The following RPN2 variants were observed in gnomAD, a reference collection of about 807,000 sequenced individuals.
RPN2 encodes the protein dolichyl-diphosphooligosaccharide--protein glycosyltransferase subunit 2.
In RPN2, 29 loss-of-function variants were observed where a neutral mutation model predicts 71.4. The observed-to-expected ratio is 0.41, with a 90% CI of 0.30 to 0.55. The LOEUF is 0.55. RPN2 is among the 20% of genes least tolerant of loss of function. The pLI, the probability that RPN2 is intolerant of heterozygous loss-of-function variation, is 0.35. For missense variants in RPN2, 726 were observed against 774.1 expected, an observed-to-expected ratio of 0.94 and a Z score of 0.74; for synonymous variants, 308 against 305.0, an observed-to-expected ratio of 1.01 and a Z score of -0.10.
At position 37,228,603 on chromosome 20, in the gene RPN2, C is replaced by A. The variant is rs200454814; in HGVS notation, c.1353C>A (p.Ala451=). 1 of 1,614,070 alleles carries A rather than the reference C, an allele frequency of 6.2e-7. No individual in the cohort carries two copies. Among genetic ancestry groups the A allele is most frequent in the African/African-American group, 1.3e-5 (1 of 74,930 alleles). The change falls in exon 12 of 17, where the codon GCC becomes GCA. Residue 451 remains alanine (A), a synonymous_variant. Coordinates refer to ENST00000237530, the MANE Select transcript of RPN2 (RefSeq NM_002951.5). ...QKTGQEVVFV[A]EPDNKNVYKF... ...CTGGCCAGGAAGTGGTGTTTGTTGCCGAGCCAGACAACAAGAACGTGTACA... is the reference window on the plus strand; with the variant it reads ...CTGGCCAGGAAGTGGTGTTTGTTGCAGAGCCAGACAACAAGAACGTGTACA...
At chr20:37,225,592 G>T in intron 10 of RPN2, 96 bp from the exon 11 acceptor site, 1 of 806,546 alleles carries the variant, frequency 1.2e-6, no homozygotes. Context: ...CTATGGGAGA[G>T]GGTGGTTGAG....
chr20:37,198,793 C>G lies in RPN2; in HGVS notation c.304-257C>G, dbSNP rs566240170. 1.3e-5 allele frequency among the ~76,000 whole-genome samples: 2 copies of G among 152,074 alleles called. No individual in the cohort carries two copies. Among genetic ancestry groups the G allele is most frequent in the Non-Finnish European group, 2.9e-5 (2 of 68,022 alleles). ...AAAATGTTCAAAGTGTACCCCCACA[C>G]GAGGTTTCTGGAAGTCATTTTGTTG... is the stretch of plus-strand genomic sequence containing the variant. On this transcript the variant is annotated intron_variant, in intron 3 of 16. Transcript: ENST00000237530.
At chr20:37,189,550 G>A (rs1358708500) in intron 2 of RPN2, among the ~76,000 whole-genome samples, 1 of 152,138 alleles carries the variant, frequency 6.6e-6, no homozygotes, top group Admixed American at 6.5e-5. Context: ...CTCCGTTTCT[G>A]CCCAATGTTT....
chr20:37,196,687 A>T (rs918460284), intron 2 of RPN2, among the ~76,000 whole-genome samples: 2 of 152,168 alleles, frequency 1.3e-5, no homozygotes, highest in Non-Finnish European at 2.9e-5. Flanking sequence ...GCCAGCACCC[A>T]CTTTTAACTG....
intron 2 of RPN2, among the ~76,000 whole-genome samples, chr20:37,186,174 G>C (rs1600734615): frequency 1.3e-5 from 2 of 152,328 alleles, no homozygotes; most frequent in East Asian, 3.9e-4. Context: ...GGGTTCACCT[G>C]TTTGGGTCAG....
intron 2 of RPN2, among the ~76,000 whole-genome samples, chr20:37,191,274 C>G (rs1468682766): frequency 6.6e-6 from 1 of 151,842 alleles, no homozygotes; most frequent in Admixed American, 6.6e-5. Context: ...GTCAGGAGTT[C>G]GAGACCAGCC....
intron 16 of RPN2, among the ~76,000 whole-genome samples, chr20:37,239,749 C>G (rs111766002): frequency 0.021 from 3,247 of 152,246 alleles, 52 homozygotes; most frequent in Middle Eastern, 0.034. Flanking sequence ...CCAGAGAGCT[C>G]CCCGGTGCCC....
intron 2 of RPN2, among the ~76,000 whole-genome samples, chr20:37,196,151 C>T (rs1275195827): frequency 6.6e-6 from 1 of 152,000 alleles, no homozygotes; most frequent in Non-Finnish European, 1.5e-5. Context: ...CCTCTGCCTC[C>T]CGGGTTCAAG....
chr20:37,219,348 G>T (rs1359997088), intron 9 of RPN2, among the ~76,000 whole-genome samples: 2 of 151,912 alleles, frequency 1.3e-5, no homozygotes, highest in Non-Finnish European at 2.9e-5. Flanking sequence ...CAAATCCATT[G>T]TCCATTGAAA....
intron 16 of RPN2, among the ~76,000 whole-genome samples, chr20:37,240,149 T>A (rs1474294698): frequency 6.6e-6 from 1 of 152,228 alleles, no homozygotes; most frequent in Non-Finnish European, 1.5e-5. Flanking sequence ...ACATTTGGCA[T>A]TTCCTAGCAT....
intron 12 of RPN2, among the ~76,000 whole-genome samples, chr20:37,229,460 A>G (rs546294874): frequency 1.5e-4 from 23 of 152,224 alleles, no homozygotes; most frequent in African/African-American, 5.5e-4. Flanking sequence ...GGAGGTGATG[A>G]GCTTGGAAAG....
At chr20:37,235,158 C>T (rs1265438590) in intron 15 of RPN2, among the ~76,000 whole-genome samples, 1 of 151,956 alleles carries the variant, frequency 6.6e-6, no homozygotes, top group African/African-American at 2.4e-5. Flanking sequence ...TGCAGTGGTC[C>T]GTGACCTCAG....
chr20:37,207,500 A>C, intron 7 of RPN2, 51 bp downstream of exon 7: 1 of 1,561,978 alleles, frequency 6.4e-7, no homozygotes. Context: ...TTCCTAGTGG[A>C]AGGCTTTCAG....
chr20:37,197,152 G>A (rs2067273339), intron 2 of RPN2, among the ~76,000 whole-genome samples: 2 of 152,176 alleles, frequency 1.3e-5, no homozygotes, highest in Admixed American at 6.5e-5. Flanking sequence ...TGGAGTTGGA[G>A]TTAGGGCTAT....
At chr20:37,214,294 T>C (rs931055962) in intron 9 of RPN2, among the ~76,000 whole-genome samples, 5 of 152,188 alleles carry the variant, frequency 3.3e-5, no homozygotes, top group Non-Finnish European at 7.3e-5. Context: ...ATGAAGCTAT[T>C]TGGGTAAAGG....
chr20:37,213,612 C>A (rs1157393533), intron 8 of RPN2, 148 bp from the exon 9 acceptor site: 1 of 684,078 alleles, frequency 1.5e-6, no homozygotes, highest in South Asian at 1.6e-5. Context: ...ATAAGAAGCA[C>A]GAGATTGCCC....
intron 11 of RPN2, among the ~76,000 whole-genome samples, chr20:37,228,327 C>T (rs758948270): frequency 6.6e-6 from 1 of 152,116 alleles, no homozygotes; most frequent in African/African-American, 2.4e-5. Context: ...TGGCTGGACC[C>T]GTAAGTTAAA....
At chr20:37,209,453 C>T (rs1040446287) in intron 7 of RPN2, among the ~76,000 whole-genome samples, 3 of 148,296 alleles carry the variant, frequency 2.0e-5, no homozygotes, top group Non-Finnish European at 4.5e-5. Context: ...GCCACTGCAC[C>T]CAGTCTAGCT....
chr20:37,203,818 T>C, intron 4 of RPN2, 67 bp from the exon 5 acceptor site: 2 of 1,096,720 alleles, frequency 1.8e-6, no homozygotes, highest in Non-Finnish European at 2.8e-6. Context: ...AGTGTCCAAG[T>C]ACGGGAAGGG....
Sources: gnomAD v4.1 joint callset for allele counts (sites outside exome capture counted in the v4.1 genomes callset) on GRCh38, gnomAD v4.1.1 for gene constraint, MANE v1.5 for transcripts, NCBI Gene and HGNC (gene_info 2026-07-23, HGNC 2026-07-21) for gene names.